Variants in DHX32 observed in about 807,000 individuals in gnomAD.
DHX32 encodes the protein DEAH-box helicase 32 (putative), also known as putative pre-mRNA-splicing factor ATP-dependent RNA helicase DHX32.
A neutral mutation model predicts 70.0 loss-of-function variants in DHX32; 51 were observed. The observed-to-expected ratio is 0.73, with a 90% CI of 0.58 to 0.92. The LOEUF is 0.92. DHX32 is among the 40% of genes least tolerant of loss of function. The probability of loss-of-function intolerance (pLI) is 0.00; values close to 1 mark genes in which losing one functional copy is unlikely to be tolerated. For missense variants in DHX32, 762 were observed against 891.8 expected (o/e 0.85, Z 1.85); for synonymous variants, 310 against 315.3 (o/e 0.98, Z 0.18).
chr10:125,895,907 T>C (rs1173413117), intron 1 of DHX32, among the ~76,000 whole-genome samples: 1 of 152,296 alleles, frequency 6.6e-6, no homozygotes, highest in Non-Finnish European at 1.5e-5. Context: ...CTCGCATTGC[T>C]CCACGCTTCC....
chr10:125,845,718 C>T (rs1472494642), intron 6 of DHX32, among the ~76,000 whole-genome samples: 2 of 152,244 alleles, frequency 1.3e-5, no homozygotes, highest in Non-Finnish European at 2.9e-5. Flanking sequence ...GCATTTTCAA[C>T]TCCCTGCCCA....
At chr10:125,849,540 CCTT>C (rs917973508) in intron 6 of DHX32, among the ~76,000 whole-genome samples, 17 of 152,244 alleles carry the variant, frequency 1.1e-4, no homozygotes, top group African/African-American at 3.9e-4. Context: ...AATAGTGTAA[CCTT>C]CATTAACTTA....
At chr10:125,878,357 G>A (rs757222585) in intron 1 of DHX32, among the ~76,000 whole-genome samples, 2 of 152,134 alleles carry the variant, frequency 1.3e-5, no homozygotes, top group Non-Finnish European at 2.9e-5. Flanking sequence ...AGAAGACATC[G>A]ACTTACATCT....
At chr10:125,846,027 A>G (rs1944013664) in intron 6 of DHX32, among the ~76,000 whole-genome samples, 1 of 152,234 alleles carries the variant, frequency 6.6e-6, no homozygotes, top group Non-Finnish European at 1.5e-5. Flanking sequence ...TGGGGAAGGA[A>G]GCTGAATTTG....
chr10:125,858,288 T>C (rs1295555552), intron 3 of DHX32, among the ~76,000 whole-genome samples: 2 of 152,204 alleles, frequency 1.3e-5, no homozygotes, highest in Non-Finnish European at 2.9e-5. Context: ...CTGTTTACAC[T>C]GAGAACCTCC....
chr10:125,841,245 A>T, intron 7 of DHX32: 1 of 1,612,602 alleles, frequency 6.2e-7, no homozygotes, highest in Non-Finnish European at 8.5e-7. Context: ...TCCTGCTTCT[A>T]TTCCGGCAGG....
At chr10:125,852,014 C>T (rs1323671963) in intron 6 of DHX32, among the ~76,000 whole-genome samples, 1 of 152,094 alleles carries the variant, frequency 6.6e-6, no homozygotes, top group African/African-American at 2.4e-5. Flanking sequence ...CTTCCATACT[C>T]CACATTACCC....
chr10:125,873,219 G>A (rs2134067119), intron 1 of DHX32, among the ~76,000 whole-genome samples: 1 of 152,308 alleles, frequency 6.6e-6, no homozygotes, highest in Middle Eastern at 3.4e-3. Flanking sequence ...AGAACTTTCT[G>A]TCCTTTCCAT....
chr10:125,857,224 C>T lies in DHX32; in HGVS notation c.849+2379G>A, dbSNP rs1233533502. 3.3e-5 allele frequency among the ~76,000 whole-genome samples: 5 copies of T among 152,258 alleles called. No homozygotes were observed. In the Middle Eastern group the frequency reaches 0.01, roughly 311 times the overall value. Reference sequence around the variant, plus strand: ...ACAAAAATAGTAAAAAAGAAAAGTCCATCAGTATACTGAATGGTGTTCTGC... The same window carrying T: ...ACAAAAATAGTAAAAAAGAAAAGTCTATCAGTATACTGAATGGTGTTCTGC... On this transcript the variant is annotated intron_variant, in intron 3 of 10. Transcript: ENST00000284690.
intron 3 of DHX32, among the ~76,000 whole-genome samples, chr10:125,856,014 GATAA>G (rs767675390): frequency 1.1e-4 from 17 of 152,304 alleles, no homozygotes; most frequent in South Asian, 6.2e-4. Flanking sequence ...AACAGAAATA[GATAA>G]ATAGTTTAGG....
At position 125,857,517 on chromosome 10, in the gene DHX32, T is replaced by TA. The variant is rs371453779; in HGVS notation, c.849+2085dup. The stretch of plus-strand genomic sequence containing the variant: ...GGTAGCTTTCATGGCACTCTCACTT[T>TA]AAGACTGCAAGACTGATGGTTTCTT... On this transcript the variant is annotated intron_variant, in intron 3 of 10. Coordinates refer to ENST00000284690, the MANE Select transcript of DHX32 (RefSeq NM_018180.3). 5.2e-4 allele frequency among the ~76,000 whole-genome samples: 79 copies of TA among 152,328 alleles called. 1 individual carries two copies. Among genetic ancestry groups the TA allele is most frequent in the African/African-American group, 1.8e-3 (75 of 41,576 alleles).
chr10:125,850,532 T>C (rs1181383135), intron 6 of DHX32, among the ~76,000 whole-genome samples: 1 of 152,010 alleles, frequency 6.6e-6, no homozygotes, highest in Non-Finnish European at 1.5e-5. Context: ...TAATTTTGTT[T>C]TTAGTAGAGA....
At chr10:125,860,971 C>G (rs895773503) in intron 2 of DHX32, among the ~76,000 whole-genome samples, 1 of 151,382 alleles carries the variant, frequency 6.6e-6, no homozygotes, top group African/African-American at 2.4e-5. Flanking sequence ...CCAGGATGGT[C>G]TCGATCTCCT....
At position 125,880,962 on chromosome 10, in the gene DHX32, T is replaced by C; in HGVS notation, c.-138A>G. The C allele has an allele frequency of 1.8e-6, 2 of 1,096,120 alleles. No homozygotes were observed. The highest frequency in any genetic ancestry group is 2.6e-6 in the Non-Finnish European group (2 of 775,684). 67.9% of individuals were successfully genotyped at this position (1,096,120 alleles called of 1,614,324 possible). ...TCTCTAAGACTTCAGTTCAAGGTTT[T>C]AGCAAGTTAAATTCCTCAAACCTGC... On this transcript the variant is annotated 5_prime_UTR_variant, in exon 1 of 11. Coordinates refer to ENST00000284690, the MANE Select transcript of DHX32 (RefSeq NM_018180.3).
rs755174172 is a variant in DHX32, at chr10:125,836,761, CAG to C, written c.2156_2157del (p.Pro719ArgfsTer6). 9.7e-5 allele frequency: 156 copies of C among 1,614,164 alleles called. No individual in the cohort carries two copies. Among genetic ancestry groups the C allele is most frequent in the East Asian group, 6.0e-4 (27 of 44,860 alleles). On this transcript the variant is annotated frameshift_variant, in exon 11 of 11. Transcript: ENST00000284690. LOFTEE classifies it low-confidence loss of function (END_TRUNC). ...ILQQVVDHLS[P>X]VSTMNKEQQM... ...TGCTGTTCCTTATTCATTGTTGACA[CAG>C]GGGATAGGTGATCCACTACTTGCTG...
chr10:125,861,078 T>G (rs1944185235), intron 2 of DHX32, among the ~76,000 whole-genome samples: 1 of 152,100 alleles, frequency 6.6e-6, no homozygotes, highest in Non-Finnish European at 1.5e-5. Context: ...TTTACCCATT[T>G]AAGGTATTTA....
At chr10:125,851,978 C>A (rs1156900486) in intron 6 of DHX32, among the ~76,000 whole-genome samples, 1 of 150,418 alleles carries the variant, frequency 6.6e-6, no homozygotes, top group Non-Finnish European at 1.5e-5. Context: ...GCTGAGAATT[C>A]TTCTTTCTGC....
intron 6 of DHX32, among the ~76,000 whole-genome samples, chr10:125,843,124 C>T (rs1056385049): frequency 2.0e-5 from 3 of 152,082 alleles, no homozygotes; most frequent in African/African-American, 7.2e-5. Flanking sequence ...TAGAAAGCTG[C>T]TGTATTGTTA....
chr10:125,837,959 G>A (rs1246679121), intron 10 of DHX32, among the ~76,000 whole-genome samples: 1 of 152,064 alleles, frequency 6.6e-6, no homozygotes, highest in Non-Finnish European at 1.5e-5. Context: ...CTAGCATTCT[G>A]TCCTTCTTAA....
Sources: gnomAD v4.1 joint callset for allele counts (sites outside exome capture counted in the v4.1 genomes callset) on GRCh38, gnomAD v4.1.1 for gene constraint, MANE v1.5 for transcripts, NCBI Gene and HGNC (gene_info 2026-07-23, HGNC 2026-07-21) for gene names.